SAMD12: variants seen among roughly 807,000 people sequenced by gnomAD.
SAMD12 encodes sterile alpha motif domain-containing protein 12.
SAMD12 carries 9 observed loss-of-function variants against 15.0 expected under a neutral mutation model. The ratio of observed to expected loss-of-function variants is 0.60; its 90% CI spans 0.36 to 1.05. The LOEUF (loss-of-function observed/expected upper bound fraction) is 1.05. SAMD12 is among the 50% of genes least tolerant of loss of function. The pLI, the probability that SAMD12 is intolerant of heterozygous loss-of-function variation, is 0.01. For synonymous variants in SAMD12, 86 were observed against 90.1 expected (o/e 0.96, Z 0.25); for missense variants, 230 against 234.2 (o/e 0.98, Z 0.12).
the SAMD12 span, among the ~76,000 whole-genome samples, chr8:118,167,191 C>T: frequency 5.3e-5 from 8 of 152,094 alleles, no homozygotes; most frequent in East Asian, 3.9e-4. Flanking sequence ...CCCAGCCCCC[C>T]GCGCCCCCCA....
At chr8:118,470,294 G>GTAATA (rs1823758833) in intron 2 of SAMD12, among the ~76,000 whole-genome samples, 1 of 150,526 alleles carries the variant, frequency 6.6e-6, no homozygotes, top group East Asian at 1.9e-4. Flanking sequence ...TATTACTTAG[G>GTAATA]TAATAAAAAA....
intron 2 of SAMD12, among the ~76,000 whole-genome samples, chr8:118,558,837 G>A (rs1285919787): frequency 6.6e-6 from 1 of 152,088 alleles, no homozygotes; most frequent in East Asian, 1.9e-4. Context: ...GATTACAGGC[G>A]TGAGCCACCG....
At chr8:118,375,069 C>G (rs943372256), downstream of SAMD12, among the ~76,000 whole-genome samples, 3 of 151,934 alleles carry the variant, frequency 2.0e-5, no homozygotes, top group Non-Finnish European at 4.4e-5. Flanking sequence ...CAACAGATAC[C>G]ATATGGCTGC....
chr8:118,461,958 C>T (rs1823436174), intron 2 of SAMD12, among the ~76,000 whole-genome samples: 1 of 152,214 alleles, frequency 6.6e-6, no homozygotes, highest in Non-Finnish European at 1.5e-5. Flanking sequence ...AAGGACACTA[C>T]AGGCATGCAT....
At chr8:118,509,068 C>T (rs563309222) in intron 2 of SAMD12, among the ~76,000 whole-genome samples, 1 of 152,234 alleles carries the variant, frequency 6.6e-6, no homozygotes, top group East Asian at 1.9e-4. Context: ...GAATATTAGC[C>T]TTCTTCCCTT....
At chr8:118,396,899 A>T (rs1465355384) in intron 3 of SAMD12, among the ~76,000 whole-genome samples, 1 of 152,194 alleles carries the variant, frequency 6.6e-6, no homozygotes, top group African/African-American at 2.4e-5. Context: ...TTTTGCATGC[A>T]GAATCTAAAG....
intron 1 of SAMD12, among the ~76,000 whole-genome samples, chr8:118,608,818 C>T (rs73319388): frequency 0.056 from 8,462 of 152,046 alleles, 456 homozygotes; most frequent in African/African-American, 0.14. Context: ...GAGGAAGGCA[C>T]GAGAGATGGG....
intron 4 of SAMD12, among the ~76,000 whole-genome samples, chr8:118,289,190 A>T (rs1814223627): frequency 6.6e-6 from 1 of 152,162 alleles, no homozygotes; most frequent in African/African-American, 2.4e-5. Flanking sequence ...AACCAGTCAA[A>T]CCCCATCAGA....
At chr8:118,521,477 CAT>C (rs1825386379) in intron 2 of SAMD12, among the ~76,000 whole-genome samples, 1 of 152,164 alleles carries the variant, frequency 6.6e-6, no homozygotes, top group Admixed American at 6.5e-5. Context: ...TGCTCACTGT[CAT>C]TTATTCTTCC....
chr8:118,375,603 AC>A (rs1330369986), downstream of SAMD12: 3 of 152,234 alleles, frequency 2.0e-5, no homozygotes, highest in African/African-American at 7.2e-5. Context: ...CTTAATTCTT[AC>A]AACATCCCTA....
At chr8:118,551,335 C>T (rs1228129133) in intron 2 of SAMD12, among the ~76,000 whole-genome samples, 2 of 152,046 alleles carry the variant, frequency 1.3e-5, no homozygotes, top group Non-Finnish European at 2.9e-5. Flanking sequence ...TCTCTCAGAC[C>T]ATAGTGCAAT....
downstream of SAMD12, among the ~76,000 whole-genome samples, chr8:118,186,555 A>ATTTTT (rs5894417): frequency 4.1e-5 from 6 of 146,750 alleles, no homozygotes; most frequent in African/African-American, 1.5e-4. Flanking sequence ...GTTACCCTCC[A>ATTTTT]TTTTTTTTTT....
the SAMD12 span, among the ~76,000 whole-genome samples, chr8:118,140,472 A>T: frequency 1.3e-5 from 2 of 151,942 alleles, no homozygotes; most frequent in African/African-American, 4.8e-5. Context: ...GGATCTTGCT[A>T]TGTTGCTCAG....
At chr8:118,271,211 G>T (rs1813347956) in intron 4 of SAMD12, among the ~76,000 whole-genome samples, 1 of 152,138 alleles carries the variant, frequency 6.6e-6, no homozygotes, top group South Asian at 2.1e-4. Context: ...TAATCATGGT[G>T]GACAGGGAAG....
intron 4 of SAMD12, among the ~76,000 whole-genome samples, chr8:118,321,774 A>G (rs1816296857): frequency 6.6e-6 from 1 of 152,224 alleles, no homozygotes; most frequent in Non-Finnish European, 1.5e-5. Context: ...ATGTGACATT[A>G]GGCAAGCTAT....
At chr8:118,180,953 A>G in the SAMD12 span, among the ~76,000 whole-genome samples, 1 of 152,228 alleles carries the variant, frequency 6.6e-6, no homozygotes, top group Non-Finnish European at 1.5e-5. Context: ...GTGGGGGAAC[A>G]GAGTCCCCTA....
At chr8:118,262,524 A>G (rs895990759) in intron 4 of SAMD12, among the ~76,000 whole-genome samples, 2 of 152,108 alleles carry the variant, frequency 1.3e-5, no homozygotes, top group African/African-American at 4.8e-5. Flanking sequence ...GGAACAGTAT[A>G]AAGCAGATGC....
At chr8:118,519,823 A>G (rs1177382799) in intron 2 of SAMD12, among the ~76,000 whole-genome samples, 1 of 152,224 alleles carries the variant, frequency 6.6e-6, no homozygotes, top group Non-Finnish European at 1.5e-5. Flanking sequence ...GGTCACAACT[A>G]AATAAAATGA....
At chr8:118,245,127 T>G (rs1192506345) in intron 4 of SAMD12, among the ~76,000 whole-genome samples, 2 of 152,162 alleles carry the variant, frequency 1.3e-5, no homozygotes, top group Non-Finnish European at 2.9e-5. Context: ...GTCTTCATCA[T>G]GACCACCGCT....
Sources: gnomAD v4.1 joint callset for allele counts (sites outside exome capture counted in the v4.1 genomes callset) on GRCh38, gnomAD v4.1.1 for gene constraint, MANE v1.5 for transcripts, NCBI Gene and HGNC (gene_info 2026-07-23, HGNC 2026-07-21) for gene names.